Variants in DNAJC16 observed in about 807,000 individuals in gnomAD.
DNAJC16 encodes the protein dnaJ homolog subfamily C member 16.
Under a neutral mutation model 92.7 loss-of-function variants are expected in DNAJC16, and 76 were observed. The observed-to-expected ratio is 0.82, with a 90% CI of 0.68 to 0.99. The LOEUF (loss-of-function observed/expected upper bound fraction) is 0.99. Among genes scored for constraint, DNAJC16 ranks in the 50% least tolerant of loss-of-function variants. The pLI is 0.00. For synonymous variants in DNAJC16, 328 were observed against 358.7 expected, an observed-to-expected ratio of 0.91 and a Z score of 0.97; for missense variants, 869 against 942.4, an observed-to-expected ratio of 0.92 and a Z score of 1.02.
intron 14 of DNAJC16, among the ~76,000 whole-genome samples, chr1:15,567,538 A>G (rs2103430023): frequency 6.6e-6 from 1 of 152,144 alleles, no homozygotes; most frequent in Middle Eastern, 3.4e-3. Context: ...GCCCTTGTGT[A>G]TTTTCCAGAA....
intron 7 of DNAJC16, among the ~76,000 whole-genome samples, chr1:15,556,959 C>T (rs1489546590): frequency 2.6e-5 from 4 of 152,202 alleles, no homozygotes; most frequent in African/African-American, 9.7e-5. Flanking sequence ...GATTTTTCTT[C>T]TTTAATCTAT....
Position 15,557,903 on chromosome 1 carries a change from C to CT in DNAJC16, c.1024-1614dup, listed in dbSNP as rs541852769. Reference sequence around the variant, plus strand: ...ACATGCCACCATGCCCAGCTAACAACTTTTTTTTTCCTTTTTTTTCTTTTA... The same window carrying CT: ...ACATGCCACCATGCCCAGCTAACAACTTTTTTTTTTCCTTTTTTTTCTTTTA... On this transcript the variant is annotated intron_variant, in intron 7 of 14. Coordinates refer to ENST00000375847, the MANE Select transcript of DNAJC16 (RefSeq NM_015291.4). Among the ~76,000 whole-genome samples the CT allele has an allele frequency of 2.7e-4, 41 of 151,036 alleles. No homozygotes were observed. The South Asian group carries it at 6.3e-3, about 23-fold the overall frequency.
At chr1:15,545,027 T>C (rs569557855) in intron 5 of DNAJC16, among the ~76,000 whole-genome samples, 54 of 152,290 alleles carry the variant, frequency 3.5e-4, no homozygotes, top group Non-Finnish European at 7.8e-4. Context: ...AAATGCCAGA[T>C]TCCATGAAAT....
At chr1:15,562,840 T>G (rs1368756880) in intron 9 of DNAJC16, among the ~76,000 whole-genome samples, 1 of 151,416 alleles carries the variant, frequency 6.6e-6, no homozygotes, top group Non-Finnish European at 1.5e-5. Flanking sequence ...GATGTCAGCC[T>G]CAGGCCCCCA....
At chr1:15,540,248 C>T (rs1710901648) in intron 4 of DNAJC16, among the ~76,000 whole-genome samples, 1 of 152,040 alleles carries the variant, frequency 6.6e-6, no homozygotes, top group African/African-American at 2.4e-5. Context: ...ATTGCTTGCA[C>T]CAGGGAGGCA....
At chr1:15,545,106 G>C (rs1461484420) in intron 5 of DNAJC16, among the ~76,000 whole-genome samples, 1 of 152,110 alleles carries the variant, frequency 6.6e-6, no homozygotes, top group Non-Finnish European at 1.5e-5. Context: ...CAAAGAAAAG[G>C]TTGAAATAGA....
chr1:15,536,703 C>G lies in DNAJC16; in HGVS notation c.463C>G (p.Pro155Ala). 1.2e-6 allele frequency: 2 copies of G among 1,614,098 alleles called. No individual in the cohort carries two copies. The highest frequency in any genetic ancestry group is 1.7e-6 in the Non-Finnish European group (2 of 1,180,026). ...TTCACATTATGTGAATGAAGTGGTT[C>G]CAGATAGCTTCAAGAAACCCTACCT... ...HFSHYVNEVV[P>A]DSFKKPYLIK... The change falls in exon 4 of 15, where the codon CCA (proline) becomes GCA (alanine). Residue 155 changes from proline to alanine, a missense_variant. Transcript: ENST00000375847.
At chr1:15,555,681 CAAA>C (rs937939468) in intron 7 of DNAJC16, among the ~76,000 whole-genome samples, 4 of 51,580 alleles carry the variant, frequency 7.8e-5, no homozygotes, top group Admixed American at 4.4e-4. Flanking sequence ...GACTCCGTCT[CAAA>C]AAAAAAAAAA....
At position 15,536,644 on chromosome 1, in the gene DNAJC16, G is replaced by A. The variant is rs778164818; in HGVS notation, c.404G>A (p.Arg135Gln). 3.7e-6 allele frequency: 6 copies of A among 1,613,948 alleles called. No homozygotes were observed. Among genetic ancestry groups the A allele is most frequent in the South Asian group, 2.2e-5 (2 of 91,068 alleles). Reference sequence around the variant, plus strand: ...CACTTCCCTTTTAATTCTGAACGGCGGGACTCAATTGACGAAAAGTATTTA... The same window carrying A: ...CACTTCCCTTTTAATTCTGAACGGCAGGACTCAATTGACGAAAAGTATTTA... Reference protein sequence around the residue: ...FFHFPFNSERRDSIDEKYLLH... With the variant: ...FFHFPFNSERQDSIDEKYLLH... The change falls in exon 4 of 15, where the codon CGG becomes CAG. Residue 135 changes from arginine to glutamine, a missense_variant. By Grantham distance (43) the Arg-to-Gln change is conservative. Coordinates refer to ENST00000375847, the MANE Select transcript of DNAJC16 (RefSeq NM_015291.4).
chr1:15,547,201 G>A (rs1638330793), intron 6 of DNAJC16, among the ~76,000 whole-genome samples: 1 of 150,306 alleles, frequency 6.7e-6, no homozygotes, highest in Non-Finnish European at 1.5e-5. Context: ...CTGGAGTGCA[G>A]TGGCGCGATC....
intron 1 of DNAJC16, 105 bp from the exon 2 acceptor site, chr1:15,528,982 CT>C: frequency 1.0e-6 from 1 of 966,922 alleles, no homozygotes; most frequent in Non-Finnish European, 1.5e-6. Context: ...TGCAAAATAC[CT>C]TTTGTTGGTT....
intron 4 of DNAJC16, among the ~76,000 whole-genome samples, chr1:15,541,464 G>C (rs983558813): frequency 2.6e-5 from 4 of 152,096 alleles, no homozygotes; most frequent in African/African-American, 9.7e-5. Flanking sequence ...TTACCTCTCT[G>C]AACCTCTCTC....
Position 15,568,485 on chromosome 1 carries a change from CTCCTG to C in DNAJC16, c.*315_*319del, listed in dbSNP as rs1638871266. ...GTCCTTGTCCCATGCTCACCCCACC[CTCCTG>C]TCCTGTGTCTTGGAGAAGCACAGGG... On this transcript the variant is annotated 3_prime_UTR_variant, in exon 15 of 15. Coordinates refer to ENST00000375847, the MANE Select transcript of DNAJC16 (RefSeq NM_015291.4). The C allele has an allele frequency of 2.1e-6, 1 of 480,982 alleles. No individual in the cohort carries two copies. The highest frequency in any genetic ancestry group is 4.7e-5 in the South Asian group (1 of 21,082). 29.8% of individuals were successfully genotyped at this position (480,982 alleles called of 1,614,324 possible). A position where few individuals can be genotyped will look rare whatever the true frequency, so the allele number is the denominator to read the frequency against.
Position 15,556,715 on chromosome 1 carries a change from C to G in DNAJC16, c.1024-2811C>G, listed in dbSNP as rs148264098. Reference sequence around the variant, plus strand: ...CTTTTTCTGACATTACTCCTGACAGCTGACATGATGTGGAATAGAAGTGTA... The same window carrying G: ...CTTTTTCTGACATTACTCCTGACAGGTGACATGATGTGGAATAGAAGTGTA... On this transcript the variant is annotated intron_variant, in intron 7 of 14. Coordinates refer to ENST00000375847, the MANE Select transcript of DNAJC16 (RefSeq NM_015291.4). Among the ~76,000 whole-genome samples the G allele has an allele frequency of 8.7e-4, 133 of 152,250 alleles. 2 individuals carry two copies. The East Asian group carries it at 0.023, about 26-fold the overall frequency.
At chr1:15,538,753 G>T (rs1163364590) in intron 4 of DNAJC16, among the ~76,000 whole-genome samples, 1 of 152,130 alleles carries the variant, frequency 6.6e-6, no homozygotes, top group Non-Finnish European at 1.5e-5. Context: ...ATCTTTTAAG[G>T]ATTTCTAAGT....
rs570190077 is a variant in DNAJC16, at chr1:15,530,314, C to T, written c.167+1042C>T. On this transcript the variant is annotated intron_variant, in intron 2 of 14. Transcript: ENST00000375847. Reference sequence around the variant, plus strand: ...AGTGAGCTATAATCACACCACTGCACTCCAGCCTGGGCAACAGAGTGAGAC... The same window carrying T: ...AGTGAGCTATAATCACACCACTGCATTCCAGCCTGGGCAACAGAGTGAGAC... Among the ~76,000 whole-genome samples, 21 of 149,802 alleles carry T rather than the reference C, an allele frequency of 1.4e-4. No individual in the cohort carries two copies. The East Asian group carries it at 4.1e-3, about 30-fold the overall frequency.
chr1:15,540,817 G>T (rs1171158393), intron 4 of DNAJC16, among the ~76,000 whole-genome samples: 1 of 152,160 alleles, frequency 6.6e-6, no homozygotes, highest in East Asian at 1.9e-4. Flanking sequence ...TACTAGAAAG[G>T]CATATTTCCC....
chr1:15,530,864 T>A (rs562425788), intron 2 of DNAJC16, among the ~76,000 whole-genome samples: 1 of 152,324 alleles, frequency 6.6e-6, no homozygotes, highest in East Asian at 1.9e-4. Context: ...ATTGTTGTAT[T>A]TCTAGTAGAG....
At chr1:15,554,667 T>C (rs1009921786) in intron 7 of DNAJC16, among the ~76,000 whole-genome samples, 9 of 152,176 alleles carry the variant, frequency 5.9e-5, no homozygotes, top group Admixed American at 5.2e-4. Flanking sequence ...GTACTTTTTG[T>C]ATACATTTTA....
Sources: gnomAD v4.1 joint callset for allele counts (sites outside exome capture counted in the v4.1 genomes callset) on GRCh38, gnomAD v4.1.1 for gene constraint, MANE v1.5 for transcripts, NCBI Gene and HGNC (gene_info 2026-07-23, HGNC 2026-07-21) for gene names.